Variants in UNC45B observed in about 807,000 individuals in gnomAD.
UNC45B encodes unc-45 myosin chaperone B, also known as protein unc-45 homolog B.
Under a neutral mutation model 98.7 loss-of-function variants are expected in UNC45B, and 78 were observed. The observed-to-expected ratio is 0.79, with a 90% CI of 0.66 to 0.95. UNC45B has a LOEUF of 0.95. Among genes scored for constraint, UNC45B ranks in the 40% least tolerant of loss-of-function variants. The probability of loss-of-function intolerance (pLI) is 0.00; values close to 1 mark genes in which losing one functional copy is unlikely to be tolerated. For synonymous variants in UNC45B, 462 were observed against 480.4 expected (o/e 0.96, Z 0.50); for missense variants, 1,225 against 1,184.9 (o/e 1.03, Z -0.50).
Position 35,170,238 on chromosome 17 carries a change from A to G in UNC45B, c.1672A>G (p.Met558Val). The G allele has an allele frequency of 1.2e-6, 2 of 1,610,672 alleles. No individual in the cohort carries two copies. Among genetic ancestry groups the G allele is most frequent in the East Asian group, 4.5e-5 (2 of 44,782 alleles). Residue 558 changes from methionine to valine, a missense_variant, in exon 12 of 20, where the codon ATG becomes GTG. Physicochemically the swap from Met to Val is conservative, Grantham distance 21. Transcript: ENST00000394570. ...CCAGGACGTCCCTGCCCTGCAGGCC[A>G]TGTTTGAGCTGGCCAAGGCAGGTGT... ...FVQDVPALQAMFELAKTSDKT... is the reference protein window; with the variant it reads ...FVQDVPALQAVFELAKTSDKT...
intron 7 of UNC45B, among the ~76,000 whole-genome samples, chr17:35,156,342 A>G (rs1196077279): frequency 6.6e-6 from 1 of 152,242 alleles, no homozygotes; most frequent in Non-Finnish European, 1.5e-5. Context: ...AATGGTTAAA[A>G]TGGGGCCAGG....
chr17:35,151,908 G>A (rs542418567), intron 4 of UNC45B, among the ~76,000 whole-genome samples: 27 of 151,894 alleles, frequency 1.8e-4, no homozygotes, highest in African/African-American at 6.5e-4. Flanking sequence ...AGACCAGCCT[G>A]GGCAACATAG....
At chr17:35,176,178 A>G in intron 15 of UNC45B, 144 bp downstream of exon 15, 1 of 746,274 alleles carries the variant, frequency 1.3e-6, no homozygotes, top group Non-Finnish European at 2.3e-6. Context: ...GCCCCAAGCC[A>G]ATTTCTGCTT....
At chr17:35,183,645 A>G in intron 19 of UNC45B, 63 bp downstream of exon 19, 1 of 1,418,584 alleles carries the variant, frequency 7.0e-7, no homozygotes, top group Non-Finnish European at 9.3e-7. Flanking sequence ...CCACCCACAG[A>G]CCACACTGGA....
At position 35,177,212 on chromosome 17, in the gene UNC45B, C is replaced by T. The variant is rs150497538; in HGVS notation, c.2139+82C>T. ...GGCCTTTCCCCTTGTCATTCTACCTCGAGCCTGGGACAGGGGCATGGTGCT... is the reference window on the plus strand; with the variant it reads ...GGCCTTTCCCCTTGTCATTCTACCTTGAGCCTGGGACAGGGGCATGGTGCT... On this transcript the variant is annotated intron_variant, in intron 16 of 19. Coordinates refer to ENST00000394570, the MANE Select transcript of UNC45B (RefSeq NM_001267052.2). 2,696 of 1,295,864 alleles carry T rather than the reference C, an allele frequency of 2.1e-3. 12 individuals carry two copies. Among genetic ancestry groups the T allele is most frequent in the Middle Eastern group, 0.014 (66 of 4,766 alleles). 80.3% of individuals were successfully genotyped at this position (1,295,864 alleles called of 1,614,324 possible).
intron 17 of UNC45B, among the ~76,000 whole-genome samples, chr17:35,179,244 G>C (rs1291041161): frequency 1.3e-5 from 2 of 152,170 alleles, no homozygotes; most frequent in African/African-American, 4.8e-5. Context: ...GCAGTGGTTT[G>C]TAGTTCTCCT....
intron 5 of UNC45B, among the ~76,000 whole-genome samples, 156 bp downstream of exon 5, chr17:35,153,138 T>A (rs2092033110): frequency 6.6e-6 from 1 of 152,144 alleles, no homozygotes; most frequent in African/African-American, 2.4e-5. Context: ...GTGTAAACCA[T>A]AAGAAGGACT....
intron 4 of UNC45B, among the ~76,000 whole-genome samples, chr17:35,152,480 G>A (rs563370307): frequency 9.2e-5 from 14 of 152,234 alleles, no homozygotes; most frequent in African/African-American, 2.9e-4. Flanking sequence ...AAGCTGCTTC[G>A]TCTACATTTC....
At position 35,182,234 on chromosome 17, in the gene UNC45B, C is replaced by T. The variant is rs150775636; in HGVS notation, c.2374-1193C>T. 5.3e-3 allele frequency among the ~76,000 whole-genome samples: 803 copies of T among 152,088 alleles called. 3 individuals are homozygous for T. The highest frequency in any genetic ancestry group is 0.018 in the African/African-American group (740 of 41,482). On this transcript the variant is annotated intron_variant, in intron 18 of 19. Transcript: ENST00000394570. ...CCTCCCGAGTAACTGGGACTACAGG[C>T]GCGTGCCACCACCCCTGGCTAATCT...
At chr17:35,165,703 C>T (rs1286842180) in intron 9 of UNC45B, among the ~76,000 whole-genome samples, 1 of 152,044 alleles carries the variant, frequency 6.6e-6, no homozygotes, top group Non-Finnish European at 1.5e-5. Context: ...TTTGGGATGC[C>T]GAGGAGCGCG....
intron 17 of UNC45B, among the ~76,000 whole-genome samples, chr17:35,179,679 C>T (rs1264549165): frequency 6.6e-6 from 1 of 151,978 alleles, no homozygotes; most frequent in Non-Finnish European, 1.5e-5. Flanking sequence ...CATGTTCTCA[C>T]TCGTAGGTGG....
At chr17:35,164,243 T>A in intron 9 of UNC45B, 77 bp downstream of exon 9, 1 of 1,476,656 alleles carries the variant, frequency 6.8e-7, no homozygotes, top group South Asian at 1.4e-5. Context: ...ATCTCAAAAT[T>A]TAGCAGCTCA....
At position 35,164,014 on chromosome 17, in the gene UNC45B, G is replaced by C. The variant is rs553976077; in HGVS notation, c.999G>C (p.Lys333Asn). 1 of 1,613,484 alleles carries C rather than the reference G, an allele frequency of 6.2e-7. No homozygotes were observed. Among genetic ancestry groups the C allele is most frequent in the Admixed American group, 1.7e-5 (1 of 59,938 alleles). Reference protein sequence around the residue: ...VVDNGLRKILKVVGQVPDLPS... With the variant: ...VVDNGLRKILNVVGQVPDLPS... Reference sequence around the variant, plus strand: ...CTGCAGGTCTGAGGAAGATCCTGAAGGTTGTGGGGCAGGTTCCAGATCTGC... The same window carrying C: ...CTGCAGGTCTGAGGAAGATCCTGAACGTTGTGGGGCAGGTTCCAGATCTGC... The change falls in exon 9 of 20, where the codon AAG (lysine) becomes AAC (asparagine). Residue 333 changes from lysine to asparagine, a missense_variant. Lys to Asn is a moderately conservative substitution (Grantham distance 94). Coordinates refer to ENST00000394570, the MANE Select transcript of UNC45B (RefSeq NM_001267052.2).
At chr17:35,175,566 T>C (rs1199441295) in intron 14 of UNC45B, among the ~76,000 whole-genome samples, 2 of 151,732 alleles carry the variant, frequency 1.3e-5, no homozygotes, top group East Asian at 3.9e-4. Context: ...AGAGAATGAG[T>C]GAATTTGGGG....
At chr17:35,163,590 C>T (rs144244367) in intron 8 of UNC45B, among the ~76,000 whole-genome samples, 1 of 152,228 alleles carries the variant, frequency 6.6e-6, no homozygotes, top group East Asian at 1.9e-4. Flanking sequence ...CATACATTAT[C>T]TCATTGAGCC....
Position 35,155,451 on chromosome 17 carries a change from G to A in UNC45B, c.795G>A (p.Glu265=). The part of the protein sequence containing the change: ...EDKREHRGKE[E]ALVLDTKKDL... ...AGCGGGAGCATCGAGGGAAGGAGGA[G>A]GCCCTGGTTCTAGGTAGGAAACATT... The change falls in exon 7 of 20, where the codon GAG becomes GAA. Residue 265 remains glutamate, a synonymous_variant. Coordinates refer to ENST00000394570, the MANE Select transcript of UNC45B (RefSeq NM_001267052.2). 1 of 1,614,154 alleles carries A rather than the reference G, an allele frequency of 6.2e-7. No individual in the cohort carries two copies. The highest frequency in any genetic ancestry group is 8.5e-7 in the Non-Finnish European group (1 of 1,180,006).
chr17:35,181,808 A>AG (rs1555580519), intron 18 of UNC45B, among the ~76,000 whole-genome samples: 1 of 139,598 alleles, frequency 7.2e-6, no homozygotes, highest in African/African-American at 2.6e-5. Context: ...AAAAAAAAAA[A>AG]GCATATTAAA....
In UNC45B at chr17:35,152,975, G is replaced by A. The variant is rs147176011; in HGVS notation, c.464G>A (p.Arg155Gln). 1.3e-5 allele frequency: 21 copies of A among 1,613,104 alleles called. No individual in the cohort carries two copies. The highest frequency in any genetic ancestry group is 3.3e-5 in the Admixed American group (2 of 59,922). ...GATGAAAACAGTGAGGCTGATAAGC[G>A]GGAAAAGGTGAGTGCTGGCCAGTGC... is the stretch of plus-strand genomic sequence containing the variant. ...LLDENSEADKREKAANNLIVL... is the reference protein window; with the variant it reads ...LLDENSEADKQEKAANNLIVL... The change falls in exon 5 of 20, where the codon CGG becomes CAG. Residue 155 changes from arginine (R) to glutamine (Q), a missense_variant. Arg to Gln is a conservative substitution (Grantham distance 43, BLOSUM62 1). Coordinates refer to ENST00000394570, the MANE Select transcript of UNC45B (RefSeq NM_001267052.2).
In UNC45B at chr17:35,148,995, C is replaced by T. The variant is rs754547367; in HGVS notation, c.191C>T (p.Ser64Leu). The T allele has an allele frequency of 6.2e-7, 1 of 1,614,168 alleles. No homozygotes were observed. Among genetic ancestry groups the T allele is most frequent in the South Asian group, 1.1e-5 (1 of 91,076 alleles). ...CAGGAGAGCTACGTCCAGGCAGCTT[C>T]AGATGCCTCCAGAGGTGAGCCCCTC... ...LKTESYVQAA[S>L]DASRAIDINS... The change falls in exon 3 of 20, where the codon TCA becomes TTA. Residue 64 changes from serine (S) to leucine (L), a missense_variant. Transcript: ENST00000394570.
Sources: gnomAD v4.1 joint callset for allele counts (sites outside exome capture counted in the v4.1 genomes callset) on GRCh38, gnomAD v4.1.1 for gene constraint, MANE v1.5 for transcripts, NCBI Gene and HGNC (gene_info 2026-07-23, HGNC 2026-07-21) for gene names.